Variants in MSH3 observed in about 807,000 individuals in gnomAD.
MSH3 encodes mutS homolog 3, also known as DNA mismatch repair protein Msh3.
A neutral mutation model predicts 123.3 loss-of-function variants in MSH3; 106 were observed. The observed-to-expected ratio is 0.86, with a 90% CI of 0.73 to 1.01. MSH3 has a LOEUF of 1.01. Among genes scored for constraint, MSH3 ranks in the 50% least tolerant of loss-of-function variants. The probability of loss-of-function intolerance (pLI) is 0.00; values close to 1 mark genes in which losing one functional copy is unlikely to be tolerated. For missense variants in MSH3, 1,459 were observed against 1,347.6 expected, an observed-to-expected ratio of 1.08 and a Z score of -1.29; for synonymous variants, 515 against 481.4, an observed-to-expected ratio of 1.07 and a Z score of -0.91.
chr5:80,845,833 G>A (rs922859039), intron 20 of MSH3, among the ~76,000 whole-genome samples: 3 of 152,108 alleles, frequency 2.0e-5, no homozygotes, highest in Admixed American at 6.6e-5. Context: ...CAGCTTCCAT[G>A]TGATGGGTTA....
chr5:80,683,165 A>G (rs1179932078), intron 8 of MSH3, among the ~76,000 whole-genome samples: 1 of 152,196 alleles, frequency 6.6e-6, no homozygotes, highest in Non-Finnish European at 1.5e-5. Flanking sequence ...TGTAGTAAAC[A>G]TGGGAGTGCA....
chr5:80,763,628 A>G lies in MSH3; in HGVS notation c.1896+1950A>G, dbSNP rs116689810. 5.4e-3 allele frequency among the ~76,000 whole-genome samples: 825 copies of G among 152,362 alleles called. 6 individuals are homozygous for G. The highest frequency in any genetic ancestry group is 0.018 in the African/African-American group (768 of 41,592). On this transcript the variant is annotated intron_variant, in intron 13 of 23. Transcript: ENST00000265081. The stretch of plus-strand genomic sequence containing the variant: ...TTCAAAGGATTCACTGACAGATGTC[A>G]GAGATTTGAAAACAGAAGCAAAGCT...
chr5:80,708,058 G>A (rs977884702), intron 8 of MSH3, among the ~76,000 whole-genome samples: 3 of 152,076 alleles, frequency 2.0e-5, no homozygotes, highest in African/African-American at 7.2e-5. Context: ...GTCAGTTATA[G>A]GTATTGTGAA....
rs748099353 is a variant in MSH3, at chr5:80,656,430, G to A, written c.257G>A (p.Arg86Lys). 6.2e-7 allele frequency: 1 copy of A among 1,614,090 alleles called. No homozygotes were observed. The highest frequency in any genetic ancestry group is 2.2e-5 in the East Asian group (1 of 44,874). ...ATATAGGCTACAGAAATTGACAGAAGAAAGAAGAGACCATTGGAAAATGAT... is the reference window on the plus strand; with the variant it reads ...ATATAGGCTACAGAAATTGACAGAAAAAAGAAGAGACCATTGGAAAATGAT... ...PPHIATEIDR[R>K]KKRPLENDGP... is the part of the protein sequence containing the mutation. The change falls in exon 2 of 24, where the codon AGA becomes AAA. Residue 86 changes from arginine to lysine, a missense_variant. Transcript: ENST00000265081.
At chr5:80,701,835 C>G (rs1750616778) in intron 8 of MSH3, among the ~76,000 whole-genome samples, 1 of 152,006 alleles carries the variant, frequency 6.6e-6, no homozygotes, top group Non-Finnish European at 1.5e-5. Context: ...ATTTTCTTAT[C>G]TCTTGTTTTC....
intron 20 of MSH3, among the ~76,000 whole-genome samples, chr5:80,840,044 T>C (rs951284355): frequency 3.9e-5 from 6 of 152,210 alleles, no homozygotes; most frequent in Non-Finnish European, 7.3e-5. Flanking sequence ...TATGAAGAAA[T>C]TTTTTATCAA....
At chr5:80,760,068 A>G (rs1744005533) in intron 12 of MSH3, among the ~76,000 whole-genome samples, 1 of 152,212 alleles carries the variant, frequency 6.6e-6, no homozygotes. Flanking sequence ...ATTGTAATCT[A>G]GCCAGGATCC....
intron 8 of MSH3, among the ~76,000 whole-genome samples, chr5:80,712,576 T>G (rs1750881263): frequency 6.6e-6 from 1 of 152,194 alleles, no homozygotes; most frequent in Non-Finnish European, 1.5e-5. Flanking sequence ...TGCACTCCTA[T>G]TTGTAGCATA....
intron 10 of MSH3, among the ~76,000 whole-genome samples, chr5:80,741,227 G>C (rs1209585878): frequency 6.6e-6 from 1 of 151,562 alleles, no homozygotes. Context: ...TCCCTTTCCT[G>C]TTCTTGTTTT....
At chr5:80,677,334 CAG>C (rs1158389349) in intron 7 of MSH3, among the ~76,000 whole-genome samples, 1 of 152,138 alleles carries the variant, frequency 6.6e-6, no homozygotes, top group African/African-American at 2.4e-5. Flanking sequence ...TTAGGTTTCT[CAG>C]TGTGATACAT....
intron 18 of MSH3, among the ~76,000 whole-genome samples, chr5:80,791,240 G>A (rs1006275005): frequency 3.3e-5 from 5 of 152,092 alleles, no homozygotes; most frequent in Non-Finnish European, 7.4e-5. Context: ...TATTCTAATT[G>A]GTGTTGATAA....
chr5:80,774,298 T>C (rs1744262615), intron 15 of MSH3, among the ~76,000 whole-genome samples: 2 of 151,366 alleles, frequency 1.3e-5, no homozygotes, highest in Non-Finnish European at 2.9e-5. Flanking sequence ...AGACAGGCAA[T>C]AACAAATGTT....
rs2112118419 is a variant in MSH3 at position 80,864,856 on chromosome 5, G to A, written c.3044G>A (p.Cys1015Tyr). 6.2e-7 allele frequency: 1 copy of A among 1,613,458 alleles called. No individual in the cohort carries two copies. The highest frequency in any genetic ancestry group is 2.2e-5 in the East Asian group (1 of 44,844). ...TTTGTCACCCATTATCCGCCAGTTT[G>A]TGAACTAGAAAAAAATTACTCACAC... ...TLFVTHYPPVCELEKNYSHQV... is the reference protein window; with the variant it reads ...TLFVTHYPPVYELEKNYSHQV... Residue 1015 changes from cysteine (C) to tyrosine (Y), a missense_variant, in exon 22 of 24, where the codon TGT becomes TAT. By Grantham distance (194) the Cys-to-Tyr change is radical. Transcript: ENST00000265081.
At chr5:80,826,548 A>AC (rs1745304543) in intron 20 of MSH3, among the ~76,000 whole-genome samples, 1 of 140,518 alleles carries the variant, frequency 7.1e-6, no homozygotes, top group Non-Finnish European at 1.5e-5. Flanking sequence ...GAGGTTAGGA[A>AC]TTTTTTTTTT....
intron 16 of MSH3, among the ~76,000 whole-genome samples, chr5:80,777,166 C>A (rs1299697899): frequency 6.6e-6 from 1 of 151,878 alleles, no homozygotes; most frequent in Non-Finnish European, 1.5e-5. Context: ...AAGTGATCCA[C>A]CTGCCTTGGC....
At chr5:80,785,995 GT>G (rs1744499836) in intron 17 of MSH3, among the ~76,000 whole-genome samples, 1 of 150,794 alleles carries the variant, frequency 6.6e-6, no homozygotes, top group Non-Finnish European at 1.5e-5. Flanking sequence ...CTGTTGTGGG[GT>G]GGGGGGAAGG....
intron 8 of MSH3, among the ~76,000 whole-genome samples, chr5:80,685,041 AT>A (rs1243477077): frequency 6.6e-6 from 1 of 151,816 alleles, no homozygotes; most frequent in East Asian, 1.9e-4. Flanking sequence ...GATATTTTTA[AT>A]GTGTTGTTGA....
At chr5:80,785,742 A>G (rs1171333721) in intron 17 of MSH3, among the ~76,000 whole-genome samples, 1 of 152,190 alleles carries the variant, frequency 6.6e-6, no homozygotes, top group Non-Finnish European at 1.5e-5. Flanking sequence ...GAACCAACCC[A>G]AATGTCCAAG....
intron 10 of MSH3, among the ~76,000 whole-genome samples, chr5:80,732,240 T>G (rs1363916149): frequency 6.6e-6 from 1 of 152,202 alleles, no homozygotes; most frequent in Non-Finnish European, 1.5e-5. Context: ...CCACTTTTTG[T>G]TGTTAGAAAT....
Sources: gnomAD v4.1 joint callset for allele counts (sites outside exome capture counted in the v4.1 genomes callset) on GRCh38, gnomAD v4.1.1 for gene constraint, MANE v1.5 for transcripts, NCBI Gene and HGNC (gene_info 2026-07-23, HGNC 2026-07-21) for gene names.